The following CFAP52 variants were observed in gnomAD, a reference collection of about 807,000 sequenced individuals.
CFAP52 encodes cilia and flagella associated protein 52.
Under a neutral mutation model 70.5 loss-of-function variants are expected in CFAP52, and 57 were observed. The observed-to-expected ratio is 0.81, with a 90% CI of 0.65 to 1.01. The LOEUF (loss-of-function observed/expected upper bound fraction) is 1.01, where lower values mean the gene tolerates loss of function less well. CFAP52 is among the 50% of genes least tolerant of loss of function. The pLI, the probability that CFAP52 is intolerant of heterozygous loss-of-function variation, is 0.00. For missense variants in CFAP52, 785 were observed against 788.5 expected (o/e 1.00, Z 0.05); for synonymous variants, 267 against 292.5 (o/e 0.91, Z 0.89).
At chr17:9,580,884 A>G (rs528166739) in intron 1 of CFAP52, among the ~76,000 whole-genome samples, 1 of 152,312 alleles carries the variant, frequency 6.6e-6, no homozygotes, top group African/African-American at 2.4e-5. Context: ...TAATGAAGAT[A>G]ATCTTTGAGC....
At chr17:9,593,625 T>G (rs977340504) in intron 3 of CFAP52, among the ~76,000 whole-genome samples, 1 of 151,966 alleles carries the variant, frequency 6.6e-6, no homozygotes, top group Admixed American at 6.6e-5. Flanking sequence ...CCAGCTAATT[T>G]TTTTATTTTC....
chr17:9,630,989 A>AG (rs1331439218), intron 9 of CFAP52, among the ~76,000 whole-genome samples: 4 of 117,260 alleles, frequency 3.4e-5, no homozygotes, highest in African/African-American at 1.2e-4. Context: ...CCATCTCAAA[A>AG]AAAAGAAAGA....
intron 1 of CFAP52, chr17:9,584,455 T>C: frequency 9.3e-7 from 1 of 1,071,618 alleles, no homozygotes; most frequent in Non-Finnish European, 1.2e-6. Context: ...TAAGGTTGTA[T>C]CAATTTAAAG....
intron 12 of CFAP52, among the ~76,000 whole-genome samples, chr17:9,639,985 C>T (rs924488786): frequency 6.6e-6 from 1 of 152,142 alleles, no homozygotes; most frequent in African/African-American, 2.4e-5. Context: ...GGTTTTCTAT[C>T]TCTTTAGGCG....
intron 7 of CFAP52, among the ~76,000 whole-genome samples, chr17:9,612,036 T>C (rs1186026038): frequency 6.6e-6 from 1 of 152,192 alleles, no homozygotes; most frequent in African/African-American, 2.4e-5. Flanking sequence ...GAATATTCCC[T>C]CTACCCAAAT....
rs922122016 is a variant in CFAP52, at chr17:9,584,159, A to G, written c.71-1614A>G. The G allele has an allele frequency of 1.2e-5, 14 of 1,192,190 alleles. No homozygotes were observed. In the Admixed American group the frequency reaches 1.4e-4, roughly 12 times the overall value. The allele number at this position is 1,192,190 out of a possible 1,614,324, so 73.9% of individuals were successfully genotyped here. On this transcript the variant is annotated intron_variant, in intron 1 of 13. Coordinates refer to ENST00000352665, the MANE Select transcript of CFAP52 (RefSeq NM_145054.5). The stretch of plus-strand genomic sequence containing the variant: ...CATTCCCAGAGTTGTTGGTCATTGT[A>G]TTTTCTTTTATTTTTGCTGAAGGTC...
At chr17:9,600,809 CAT>C (rs993078693) in intron 6 of CFAP52, among the ~76,000 whole-genome samples, 2 of 152,076 alleles carry the variant, frequency 1.3e-5, no homozygotes, top group Admixed American at 1.3e-4. Flanking sequence ...TGTGGGAAAA[CAT>C]AAAAAGTCAG....
At chr17:9,635,278 A>T in intron 10 of CFAP52, 127 bp from the exon 11 acceptor site, 1 of 1,336,966 alleles carries the variant, frequency 7.5e-7, no homozygotes, top group African/African-American at 1.5e-5. Flanking sequence ...CACCCAACCG[A>T]GACAAAGACA....
intron 6 of CFAP52, among the ~76,000 whole-genome samples, chr17:9,602,233 C>T (rs996195674): frequency 2.6e-5 from 4 of 152,054 alleles, no homozygotes; most frequent in Non-Finnish European, 2.9e-5. Flanking sequence ...CCCATTAACC[C>T]GTCGTCTACA....
chr17:9,630,202 G>C (rs1910411992), intron 9 of CFAP52, among the ~76,000 whole-genome samples: 3 of 151,602 alleles, frequency 2.0e-5, no homozygotes, highest in Admixed American at 1.3e-4. Context: ...ACGTCTCCTT[G>C]CTTCTCTTCT....
intron 11 of CFAP52, among the ~76,000 whole-genome samples, chr17:9,637,464 C>G (rs1157589879): frequency 6.6e-6 from 1 of 152,164 alleles, no homozygotes; most frequent in Non-Finnish European, 1.5e-5. Context: ...CATTTTTTAG[C>G]CAGGAAAGCC....
chr17:9,603,969 A>G (rs369992887), intron 6 of CFAP52, among the ~76,000 whole-genome samples: 3 of 152,366 alleles, frequency 2.0e-5, no homozygotes, highest in African/African-American at 7.2e-5. Flanking sequence ...AAATGGATCA[A>G]TGGGACAGAA....
intron 1 of CFAP52, among the ~76,000 whole-genome samples, chr17:9,585,297 G>A (rs926899673): frequency 9.9e-5 from 15 of 152,136 alleles, no homozygotes; most frequent in African/African-American, 3.1e-4. Context: ...TTTAAGATGT[G>A]ATTACTAGAT....
Position 9,643,006 on chromosome 17 carries a change from G to A in CFAP52, c.1688-17G>A, listed in dbSNP as rs201064550. 5.8e-4 allele frequency: 919 copies of A among 1,588,544 alleles called. No individual in the cohort carries two copies. The highest frequency in any genetic ancestry group is 7.3e-4 in the Non-Finnish European group (850 of 1,166,846). ...CTCCTATTGCAGCAATGCCATATAC[G>A]TGTTTATCTTTTTCAGGTGGAAATG... On this transcript the variant is annotated splice_polypyrimidine_tract_variant and intron_variant, in intron 13 of 13. Transcript: ENST00000352665.
At chr17:9,583,787 G>T (rs1201682340) in intron 1 of CFAP52, among the ~76,000 whole-genome samples, 1 of 152,182 alleles carries the variant, frequency 6.6e-6, no homozygotes, top group South Asian at 2.1e-4. Context: ...GAGGACCTGG[G>T]TCTGTTTCAT....
At position 9,601,060 on chromosome 17, in the gene CFAP52, CACCATGGAATACT is replaced by C. The variant is rs1484688138; in HGVS notation, c.753+879_753+891del. Among the ~76,000 whole-genome samples, 4 of 152,034 alleles carry C rather than the reference CACCATGGAATACT, an allele frequency of 2.6e-5. 1 individual carries two copies. In the Middle Eastern group the frequency reaches 0.01, roughly 388 times the overall value. On this transcript the variant is annotated intron_variant, in intron 6 of 13. Transcript: ENST00000352665. ...GGATTAAGAAAATGTGGCACATATA[CACCATGGAATACT>C]ATGCAGCCATAAAAAAGGATGAGTT... is the stretch of plus-strand genomic sequence containing the variant.
In CFAP52 at chr17:9,623,670, T is replaced by TTTG. The variant is rs1555543731; in HGVS notation, c.1026-5000_1026-4999insGTT. ...TCTCTAAAGAACTTTGCTTAGCTTT[T>TTTG]TTTGTTTGTTTGTTTGTTTGTTTGT... On this transcript the variant is annotated intron_variant, in intron 8 of 13. Coordinates refer to ENST00000352665, the MANE Select transcript of CFAP52 (RefSeq NM_145054.5). Among the ~76,000 whole-genome samples the TTTG allele has an allele frequency of 6.7e-4, 101 of 151,052 alleles. 1 individual carries two copies. The highest frequency in any genetic ancestry group is 2.4e-3 in the African/African-American group (98 of 40,804).
intron 3 of CFAP52, among the ~76,000 whole-genome samples, chr17:9,593,681 C>T (rs1419502260): frequency 6.6e-6 from 1 of 152,110 alleles, no homozygotes; most frequent in East Asian, 1.9e-4. Context: ...GTCTCAAACT[C>T]CTGACCTCAG....
At chr17:9,584,478 T>G (rs1292513218) in intron 1 of CFAP52, 8 of 768,106 alleles carry the variant, frequency 1.0e-5, no homozygotes, top group Non-Finnish European at 1.4e-5. Context: ...TATAACACAA[T>G]GTGTTGATAG....
Sources: allele counts gnomAD v4.1 joint callset (sites outside exome capture counted in the v4.1 genomes callset), GRCh38; gene constraint gnomAD v4.1.1; transcripts MANE v1.5; gene names NCBI Gene and HGNC (gene_info 2026-07-23, HGNC 2026-07-21).